Variants in PDE4B observed in about 807,000 individuals in gnomAD.
PDE4B encodes 3',5'-cyclic-AMP phosphodiesterase 4B.
Under a neutral mutation model 82.2 loss-of-function variants are expected in PDE4B, and 20 were observed. The observed-to-expected ratio is 0.24, with a 90% CI of 0.17 to 0.35. The LOEUF is 0.35. Ranked by LOEUF, PDE4B falls within the 10% of genes least tolerant of loss-of-function variation. The probability of loss-of-function intolerance (pLI) is 1.00; values close to 1 mark genes in which losing one functional copy is unlikely to be tolerated. For missense variants in PDE4B, 655 were observed against 907.2 expected (o/e 0.72, Z 3.57); for synonymous variants, 320 against 318.9 (o/e 1.00, Z -0.04).
At chr1:66,042,267 C>T (rs1654429948) in intron 3 of PDE4B, among the ~76,000 whole-genome samples, 2 of 151,628 alleles carry the variant, frequency 1.3e-5, no homozygotes, top group Non-Finnish European at 3.0e-5. Context: ...GCATGTTTTC[C>T]TCATGTGTTT....
chr1:66,093,540 T>C (rs1645063668), intron 3 of PDE4B, among the ~76,000 whole-genome samples: 1 of 151,996 alleles, frequency 6.6e-6, no homozygotes, highest in African/African-American at 2.4e-5. Context: ...AGAGTCTTGA[T>C]ATCAATATGG....
At chr1:65,889,415 T>C (rs368962371) in intron 1 of PDE4B, among the ~76,000 whole-genome samples, 1 of 152,130 alleles carries the variant, frequency 6.6e-6, no homozygotes, top group South Asian at 2.1e-4. Flanking sequence ...CATGTTTTTG[T>C]CTAGCCTTAT....
At chr1:65,907,492 G>A (rs1308786965) in intron 1 of PDE4B, among the ~76,000 whole-genome samples, 1 of 152,088 alleles carries the variant, frequency 6.6e-6, no homozygotes, top group Non-Finnish European at 1.5e-5. Flanking sequence ...GGTGGATGTC[G>A]GGGCTGGGAG....
At chr1:66,172,410 A>G (rs1646854534) in intron 3 of PDE4B, among the ~76,000 whole-genome samples, 2 of 152,242 alleles carry the variant, frequency 1.3e-5, no homozygotes, top group African/African-American at 4.8e-5. Flanking sequence ...TGTGATGAAC[A>G]TATGAATGGA....
At chr1:66,086,754 CA>C (rs1402193961) in intron 3 of PDE4B, among the ~76,000 whole-genome samples, 1 of 152,136 alleles carries the variant, frequency 6.6e-6, no homozygotes, top group Non-Finnish European at 1.5e-5. Context: ...CTAATTCTTT[CA>C]AAACTTTAGG....
chr1:66,186,639 G>A (rs1255495623), intron 3 of PDE4B, among the ~76,000 whole-genome samples: 2 of 152,114 alleles, frequency 1.3e-5, no homozygotes, highest in African/African-American at 4.8e-5. Flanking sequence ...CTGTTTGTCT[G>A]TTATTGGTGT....
chr1:66,245,463 AC>A (rs1019564351), intron 3 of PDE4B, among the ~76,000 whole-genome samples: 2 of 152,206 alleles, frequency 1.3e-5, no homozygotes, highest in African/African-American at 4.8e-5. Context: ...TTTGGGTGGC[AC>A]ACAAAAAAGC....
chr1:65,818,505 C>T lies in PDE4B; in HGVS notation c.-71+25257C>T, dbSNP rs761856560. On this transcript the variant is annotated intron_variant, in intron 1 of 16. Coordinates refer to ENST00000341517, the MANE Select transcript of PDE4B (RefSeq NM_002600.4). ...GTAATCTATTCCTTTCTTGTGTTCC[C>T]AGCGTCACATGTACAGAACTGTAAT... Among the ~76,000 whole-genome samples the T allele has an allele frequency of 8.7e-4, 132 of 151,932 alleles. 2 individuals carry two copies. Among genetic ancestry groups the T allele is most frequent in the Non-Finnish European group, 5.6e-4 (38 of 67,966 alleles).
intron 1 of PDE4B, among the ~76,000 whole-genome samples, chr1:65,814,614 T>C (rs114257424): frequency 0.011 from 1,685 of 152,296 alleles, 33 homozygotes; most frequent in African/African-American, 0.039. Context: ...TTCCTCTCTC[T>C]AACCCATCCT....
intron 1 of PDE4B, among the ~76,000 whole-genome samples, chr1:65,803,822 C>T (rs559456933): frequency 1.3e-5 from 2 of 152,148 alleles, no homozygotes; most frequent in South Asian, 4.1e-4. Flanking sequence ...TTTTGTCAGC[C>T]CTTTGGACGC....
At chr1:65,928,087 G>A (rs1647608299) in intron 3 of PDE4B, among the ~76,000 whole-genome samples, 1 of 152,146 alleles carries the variant, frequency 6.6e-6, no homozygotes, top group Admixed American at 6.5e-5. Context: ...TCTCCCCAGT[G>A]GGCAGGTACC....
At chr1:65,960,894 C>T (rs1649511314) in intron 3 of PDE4B, among the ~76,000 whole-genome samples, 1 of 152,084 alleles carries the variant, frequency 6.6e-6, no homozygotes, top group South Asian at 2.1e-4. Context: ...AACTCAACTT[C>T]CACTGGATAC....
In PDE4B at chr1:65,890,682, G is replaced by T. The variant is rs1177322821; in HGVS notation, c.-70-22563G>T. Among the ~76,000 whole-genome samples the T allele has an allele frequency of 2.6e-5, 4 of 152,018 alleles. No homozygotes were observed. The South Asian group carries it at 8.3e-4, about 31-fold the overall frequency. On this transcript the variant is annotated intron_variant, in intron 1 of 16. Transcript: ENST00000341517. ...TGGTGGGGTTTAAGCTAGTGTCAAA[G>T]AATTTGGATACATGGAGGAGAGCAG...
intron 3 of PDE4B, among the ~76,000 whole-genome samples, chr1:66,246,381 G>T (rs1006134433): frequency 1.3e-5 from 2 of 152,200 alleles, no homozygotes; most frequent in Non-Finnish European, 2.9e-5. Flanking sequence ...CATGGCCGCT[G>T]AATTGGTATA....
chr1:65,873,534 T>A (rs1299114715), intron 1 of PDE4B, among the ~76,000 whole-genome samples: 1 of 152,230 alleles, frequency 6.6e-6, no homozygotes, highest in East Asian at 1.9e-4. Flanking sequence ...AAAGCTTTTA[T>A]CTTCTACAAT....
At chr1:66,319,280 A>G (rs1276646073) in intron 7 of PDE4B, among the ~76,000 whole-genome samples, 1 of 151,960 alleles carries the variant, frequency 6.6e-6, no homozygotes, top group Non-Finnish European at 1.5e-5. Flanking sequence ...CAGCACCTTC[A>G]CTCTCAACAG....
intron 3 of PDE4B, among the ~76,000 whole-genome samples, chr1:66,207,076 C>T (rs1183876078): frequency 6.6e-6 from 1 of 152,172 alleles, no homozygotes; most frequent in African/African-American, 2.4e-5. Flanking sequence ...AGTAATGGAA[C>T]TGACTAAATA....
intron 3 of PDE4B, among the ~76,000 whole-genome samples, chr1:66,101,502 T>A (rs1472083695): frequency 6.6e-6 from 1 of 152,238 alleles, no homozygotes; most frequent in Non-Finnish European, 1.5e-5. Flanking sequence ...TGTTGTTTCC[T>A]GACTTTTTAA....
At chr1:66,150,304 C>CATTG (rs1646364949) in intron 3 of PDE4B, among the ~76,000 whole-genome samples, 1 of 152,114 alleles carries the variant, frequency 6.6e-6, no homozygotes, top group Non-Finnish European at 1.5e-5. Context: ...TTGTGTCAGG[C>CATTG]ATTGCACTGG....
Sources: allele counts gnomAD v4.1 joint callset (sites outside exome capture counted in the v4.1 genomes callset), GRCh38; gene constraint gnomAD v4.1.1; transcripts MANE v1.5; gene names NCBI Gene and HGNC (gene_info 2026-07-23, HGNC 2026-07-21).